SLC2A11: variants seen among roughly 807,000 people sequenced by gnomAD.
The protein encoded by SLC2A11 is solute carrier family 2 member 11.
SLC2A11 carries 43 observed loss-of-function variants against 52.1 expected under a neutral mutation model. The observed-to-expected ratio is 0.82, with a 90% CI of 0.65 to 1.06. The LOEUF is 1.06. Ranked by LOEUF, SLC2A11 falls within the 50% of genes least tolerant of loss-of-function variation. The probability of loss-of-function intolerance (pLI) is 0.00; values close to 1 mark genes in which losing one functional copy is unlikely to be tolerated. For missense variants in SLC2A11, 582 were observed against 654.2 expected (o/e 0.89, Z 1.20); for synonymous variants, 261 against 277.6 (o/e 0.94, Z 0.59).
rs147145722 is a variant in SLC2A11, at chr22:23,880,137, G to T, written c.694+2268G>T. On this transcript the variant is annotated intron_variant, in intron 6 of 11. Transcript: ENST00000316185. ...TGAGGCAGGAGAATTGCTTGAACCC[G>T]AGAGGCGGAGGTTGCAGTGGCAGGA... 3.8e-3 allele frequency among the ~76,000 whole-genome samples: 575 copies of T among 151,632 alleles called. 3 individuals carry two copies. The highest frequency in any genetic ancestry group is 0.012 in the African/African-American group (501 of 41,276).
intron 2 of SLC2A11, chr22:23,867,264 A>C (rs2032299204): frequency 6.5e-6 from 1 of 155,016 alleles, no homozygotes; most frequent in Non-Finnish European, 1.4e-5. Context: ...ATCTTGGCTC[A>C]CTGCAACCTC....
Position 23,884,048 on chromosome 22 carries a change from G to A in SLC2A11, c.1171+24G>A. The stretch of plus-strand genomic sequence containing the variant: ...TGGTGAGTGGGCCCAAGGGGCTCTG[G>A]GCATCCATCATCACATAGAAGGAGT... On this transcript the variant is annotated intron_variant, in intron 10 of 11. Coordinates refer to ENST00000316185, the MANE Select transcript of SLC2A11 (RefSeq NM_001024939.4). This position sits in a 1 kb window ranked among gnomAD's most constrained non-coding sequence, Gnocchi z 4.3. 6.2e-7 allele frequency: 1 copy of A among 1,606,286 alleles called. No homozygotes were observed. The highest frequency in any genetic ancestry group is 8.5e-7 in the Non-Finnish European group (1 of 1,177,784).
intron 6 of SLC2A11, chr22:23,880,766 C>T (rs1158562445): frequency 2.6e-5 from 4 of 151,992 alleles, no homozygotes; most frequent in East Asian, 1.9e-4. Flanking sequence ...AAATATGCTA[C>T]GTTTAATTAA....
chr22:23,858,302 C>T (rs2031930052), intron 1 of SLC2A11: 1 of 604,876 alleles, frequency 1.7e-6, no homozygotes, highest in African/African-American at 1.9e-5. Context: ...TCAGCCCTGA[C>T]CTCAGAGGCA....
intron 3 of SLC2A11, chr22:23,870,580 G>T (rs1449104924): frequency 6.6e-6 from 1 of 152,482 alleles, no homozygotes; most frequent in Non-Finnish European, 1.5e-5. Context: ...GGGTCATATT[G>T]TCCATCTGCT....
Position 23,868,908 on chromosome 22 carries a change from G to A in SLC2A11, c.290+267G>A, listed in dbSNP as rs73879010. Reference sequence around the variant, plus strand: ...ACAAGTGCTAACTGACCTTAAACAAGTTATTTTCTTCCTGGGCCTCACTCT... The same window carrying A: ...ACAAGTGCTAACTGACCTTAAACAAATTATTTTCTTCCTGGGCCTCACTCT... On this transcript the variant is annotated intron_variant, in intron 3 of 11. Coordinates refer to ENST00000316185, the MANE Select transcript of SLC2A11 (RefSeq NM_001024939.4). 1,327 of 435,244 alleles carry A rather than the reference G, an allele frequency of 3.0e-3. 13 individuals carry two copies. Among genetic ancestry groups the A allele is most frequent in the African/African-American group, 0.024 (1,233 of 51,458 alleles). 27.0% of individuals were successfully genotyped at this position (435,244 alleles called of 1,614,324 possible). A position where few individuals can be genotyped will look rare whatever the true frequency, so the allele number is the denominator to read the frequency against.
intron 8 of SLC2A11, chr22:23,883,146 C>T: frequency 4.3e-6 from 2 of 467,714 alleles, no homozygotes; most frequent in Non-Finnish European, 8.0e-6. Flanking sequence ...CCTGTAATCC[C>T]AGGTACTTGG....
At position 23,871,147 on chromosome 22, in the gene SLC2A11, T is replaced by G. The variant is rs1364620883; in HGVS notation, c.290+2506T>G. 2.6e-5 allele frequency: 4 copies of G among 152,054 alleles called. No individual in the cohort carries two copies. The East Asian group carries it at 5.8e-4, about 22-fold the overall frequency. 9.4% of individuals were successfully genotyped at this position (152,054 alleles called of 1,614,324 possible). A position where few individuals can be genotyped will look rare whatever the true frequency, so the allele number is the denominator to read the frequency against. On this transcript the variant is annotated intron_variant, in intron 3 of 11. Coordinates refer to ENST00000316185, the MANE Select transcript of SLC2A11 (RefSeq NM_001024939.4). ...CAGGCCGGGTGCAGTGGCTCCTGCCTGTAATCCCAGCACTTTGGTAGACTG... is the reference window on the plus strand; with the variant it reads ...CAGGCCGGGTGCAGTGGCTCCTGCCGGTAATCCCAGCACTTTGGTAGACTG...
At chr22:23,868,437 C>A (rs761559877) in intron 2 of SLC2A11, 44 bp from the exon 3 acceptor site, 8 of 1,608,200 alleles carry the variant, frequency 5.0e-6, no homozygotes, top group Non-Finnish European at 6.8e-6. Flanking sequence ...CTAGCACCCC[C>A]ACGCCACCAT....
rs772697016 is a variant in SLC2A11 at position 23,858,164 on chromosome 22, C to T, written c.30+135C>T. The T allele has an allele frequency of 1.0e-4, 131 of 1,310,110 alleles. 1 individual carries two copies. In the Middle Eastern group the frequency reaches 1.1e-3, roughly 11 times the overall value. The allele number at this position is 1,310,110 out of a possible 1,614,324, so 81.2% of individuals were successfully genotyped here. A position where few individuals can be genotyped will look rare whatever the true frequency, so the allele number is the denominator to read the frequency against. ...TTCAAAAATATCGTGCTTGTATGTA[C>T]AGTGGCGTTAGGTGCTAGGCTCAGA... On this transcript the variant is annotated intron_variant, in intron 1 of 11. Coordinates refer to ENST00000316185, the MANE Select transcript of SLC2A11 (RefSeq NM_001024939.4).
chr22:23,883,187 A>G (rs745540102), intron 8 of SLC2A11: 62 of 416,502 alleles, frequency 1.5e-4, no homozygotes, highest in Non-Finnish European at 2.5e-4. Context: ...GCATGAACCC[A>G]GTAGGTGGAG....
At chr22:23,878,135 C>T (rs1017028898) in intron 6 of SLC2A11, among the ~76,000 whole-genome samples, 2 of 152,244 alleles carry the variant, frequency 1.3e-5, no homozygotes, top group Admixed American at 1.3e-4. Context: ...CGCGCACACA[C>T]ACGGTGAAAC....
intron 3 of SLC2A11, among the ~76,000 whole-genome samples, chr22:23,874,660 C>T (rs555147335): frequency 6.6e-6 from 1 of 152,188 alleles, no homozygotes; most frequent in African/African-American, 2.4e-5. Flanking sequence ...CCATGTTGGT[C>T]AAGCTGGTCT....
chr22:23,884,559 G>C lies in SLC2A11; in HGVS notation c.1300-90G>C. ...AGGGGTCTTAGGGGAGCAAAGAGGG[G>C]GGCAAATGCCTCCTCACGACCTGTC... On this transcript the variant is annotated intron_variant, in intron 11 of 11. Coordinates refer to ENST00000316185, the MANE Select transcript of SLC2A11 (RefSeq NM_001024939.4). This position sits in a 1 kb window ranked among gnomAD's most constrained non-coding sequence, Gnocchi z 4.3. 6.5e-7 allele frequency: 1 copy of C among 1,541,370 alleles called. No individual in the cohort carries two copies. Among genetic ancestry groups the C allele is most frequent in the African/African-American group, 1.4e-5 (1 of 72,766 alleles).
upstream of SLC2A11, chr22:23,857,296 A>G: frequency 1.1e-6 from 1 of 905,670 alleles, no homozygotes; most frequent in Admixed American, 2.1e-5. Flanking sequence ...ACGAGGGGCC[A>G]GAGCCGGAAT....
At chr22:23,877,928 A>T in intron 6 of SLC2A11, 59 bp downstream of exon 6, 1 of 1,517,014 alleles carries the variant, frequency 6.6e-7, no homozygotes, top group Non-Finnish European at 8.8e-7. Flanking sequence ...ATCTCCCCAG[A>T]GTATACGGGT....
At chr22:23,873,652 C>T (rs981452271) in intron 3 of SLC2A11, among the ~76,000 whole-genome samples, 2 of 152,018 alleles carry the variant, frequency 1.3e-5, no homozygotes, top group African/African-American at 4.8e-5. Context: ...TATGACTGTT[C>T]CAGCAAGGTG....
chr22:23,883,957 C>G lies in SLC2A11; in HGVS notation c.1104C>G (p.Phe368Leu), dbSNP rs1234808196. The change falls in exon 10 of 12, where the codon TTC becomes TTG. Residue 368 changes from phenylalanine (F) to leucine (L), a missense_variant. Physicochemically the swap from Phe to Leu is conservative, Grantham distance 22 (BLOSUM62 0). Transcript: ENST00000316185. ...FTVALCLQSSFPWTLYLAMAC... is the reference protein window; with the variant it reads ...FTVALCLQSSLPWTLYLAMAC... ...CGCCCCGTCCACGGCAGAGCTCCTTCCCCTGGACACTCTACCTGGCCATGG... is the reference window on the plus strand; with the variant it reads ...CGCCCCGTCCACGGCAGAGCTCCTTGCCCTGGACACTCTACCTGGCCATGG... The G allele has an allele frequency of 6.2e-7, 1 of 1,613,164 alleles. No individual in the cohort carries two copies.
At chr22:23,880,189 G>A (rs1420994690) in intron 6 of SLC2A11, among the ~76,000 whole-genome samples, 2 of 147,326 alleles carry the variant, frequency 1.4e-5, no homozygotes, top group Non-Finnish European at 3.0e-5. Flanking sequence ...AGAGGCGGAG[G>A]TTGCAGTGAG....
Sources: gnomAD v4.1 joint callset for allele counts (sites outside exome capture counted in the v4.1 genomes callset) on GRCh38, gnomAD v4.1.1 for gene constraint, Gnocchi (gnomAD v3.1) non-coding constraint, MANE v1.5 for transcripts, NCBI Gene and HGNC (gene_info 2026-07-23, HGNC 2026-07-21) for gene names.